NF1: variants seen among roughly 807,000 people sequenced by gnomAD.
The protein encoded by NF1 is neurofibromin 1.
NF1 carries 122 observed loss-of-function variants against 325.7 expected under a neutral mutation model. That is an observed-to-expected ratio of 0.37 (90% CI 0.32 to 0.44). The LOEUF (loss-of-function observed/expected upper bound fraction) is 0.44, where lower values mean the gene tolerates loss of function less well. NF1 is among the 20% of genes least tolerant of loss of function. The pLI is 1.00. For synonymous variants in NF1, 1,091 were observed against 1,186.0 expected (o/e 0.92, Z 1.65); for missense variants, 2,140 against 3,415.4 (o/e 0.63, Z 9.31).
chr17:31,334,063 G>T (rs1385359885), intron 39 of NF1, among the ~76,000 whole-genome samples: 2 of 152,174 alleles, frequency 1.3e-5, no homozygotes, highest in Non-Finnish European at 2.9e-5. Context: ...GAGGCGGGCA[G>T]ATCACGAGGT....
At chr17:31,198,497 G>A (rs1283661865) in intron 8 of NF1, among the ~76,000 whole-genome samples, 1 of 152,104 alleles carries the variant, frequency 6.6e-6, no homozygotes, top group Non-Finnish European at 1.5e-5. Context: ...CTGTGTGTTT[G>A]TAGAAATTTG....
rs2151601774 is a variant in NF1, at chr17:31,374,186, T to A, written c.*31T>A. 2 of 1,613,760 alleles carry A rather than the reference T, an allele frequency of 1.2e-6. No individual in the cohort carries two copies. The highest frequency in any genetic ancestry group is 8.5e-7 in the Non-Finnish European group (1 of 1,179,796). ...GCTTGCTTTCTTTTTTAAAATCAAC[T>A]TAACATGGGCTCTTCACTAGTGACC... On this transcript the variant is annotated 3_prime_UTR_variant, in exon 58 of 58. Transcript: ENST00000358273.
chr17:31,236,634 A>G (rs1227587040), intron 29 of NF1, among the ~76,000 whole-genome samples: 1 of 148,242 alleles, frequency 6.7e-6, no homozygotes, highest in Non-Finnish European at 1.5e-5. Flanking sequence ...TATTTTTAAT[A>G]GAGATGGTGT....
chr17:31,297,897 A>G (rs1287489156), intron 36 of NF1, among the ~76,000 whole-genome samples: 2 of 152,186 alleles, frequency 1.3e-5, no homozygotes, highest in African/African-American at 4.8e-5. Flanking sequence ...CCAAGGCTAC[A>G]CACAAGCCAG....
chr17:31,349,039 C>T (rs987345033), intron 48 of NF1, 81 bp from the exon 49 acceptor site: 4 of 1,512,068 alleles, frequency 2.6e-6, no homozygotes, highest in Admixed American at 4.0e-5. Flanking sequence ...AGTTGTTAGT[C>T]AGGGAAGAAG....
intron 28 of NF1, 26 bp from the exon 29 acceptor site, chr17:31,235,892 A>T (rs768520258): frequency 6.2e-7 from 1 of 1,609,422 alleles, no homozygotes; most frequent in Non-Finnish European, 8.5e-7. Context: ...CAGGTATAAT[A>T]AACTCCTATT....
chr17:31,124,080 C>T (rs1019454885), intron 1 of NF1, among the ~76,000 whole-genome samples: 23 of 152,080 alleles, frequency 1.5e-4, no homozygotes, highest in Admixed American at 5.9e-4. Context: ...TTTCTGTTAA[C>T]TACTATTCTG....
rs371429803 is a variant in NF1, at chr17:31,335,290, A to ATATATATATATATATG, written c.6006+265_6006+266insTATATATATGTATATA. 2.9e-3 allele frequency among the ~76,000 whole-genome samples: 211 copies of ATATATATATATATATG among 71,526 alleles called. 20 individuals are homozygous for ATATATATATATATATG. The highest frequency in any genetic ancestry group is 0.024 in the Middle Eastern group (3 of 126). 46.9% of individuals were successfully genotyped at this position (71,526 alleles called of 152,430 possible). A position where few individuals can be genotyped will look rare whatever the true frequency, so the allele number is the denominator to read the frequency against. On this transcript the variant is annotated intron_variant, in intron 40 of 57. Coordinates refer to ENST00000358273, the MANE Select transcript of NF1 (RefSeq NM_001042492.3). ...AAGGCATAATTATATATATATATATATATATAATTATGCCTTGAAGGAGAC... is the reference window on the plus strand; with the variant it reads ...AAGGCATAATTATATATATATATATATATATATATATATATGTATATAATTATGCCTTGAAGGAGAC...
In NF1 at chr17:31,227,147, G is replaced by A. The variant is rs370616123; in HGVS notation, c.2252-71G>A. 36 of 1,492,340 alleles carry A rather than the reference G, an allele frequency of 2.4e-5. No individual in the cohort carries two copies. The African/African-American group carries it at 3.9e-4, about 16-fold the overall frequency. The allele number at this position is 1,492,340 out of a possible 1,614,324, so 92.4% of individuals were successfully genotyped here. ...GCTCTTCCTACTCCTTTTGGGTGGA[G>A]CTTATCAGGTTCTCCATTGGCAGGC... On this transcript the variant is annotated intron_variant, in intron 18 of 57. Coordinates refer to ENST00000358273, the MANE Select transcript of NF1 (RefSeq NM_001042492.3).
At chr17:31,183,015 A>G in intron 8 of NF1, 1 of 541,246 alleles carries the variant, frequency 1.8e-6, no homozygotes, top group Non-Finnish European at 3.2e-6. Flanking sequence ...ATAGTGTGTT[A>G]TTTGCATGTA....
intron 57 of NF1, among the ~76,000 whole-genome samples, chr17:31,363,675 A>G (rs1356010955): frequency 6.6e-6 from 1 of 150,646 alleles, no homozygotes; most frequent in Admixed American, 6.6e-5. Flanking sequence ...TGACCTCGTG[A>G]TCCACCCACT....
At chr17:31,140,123 A>G (rs761010641) in intron 1 of NF1, among the ~76,000 whole-genome samples, 1 of 152,242 alleles carries the variant, frequency 6.6e-6, no homozygotes, top group South Asian at 2.1e-4. Context: ...CCCTGCTCCC[A>G]TGGAATTTAC....
intron 1 of NF1, among the ~76,000 whole-genome samples, chr17:31,095,707 C>G (rs945277551): frequency 2.0e-5 from 3 of 152,162 alleles, no homozygotes; most frequent in African/African-American, 7.2e-5. Flanking sequence ...GGCGCGCCAT[C>G]TGGATTTAAT....
chr17:31,253,042 A>C, intron 31 of NF1, 42 bp downstream of exon 31: 2 of 1,509,832 alleles, frequency 1.3e-6, no homozygotes, highest in South Asian at 2.3e-5. Context: ...CTTTCAAAGC[A>C]AAACAAAAAT....
At chr17:31,318,370 A>G (rs1328070911) in intron 36 of NF1, 1 of 1,613,848 alleles carries the variant, frequency 6.2e-7, no homozygotes, top group Non-Finnish European at 8.5e-7. Context: ...TGTAGCTGTG[A>G]GCACTCCAGT....
intron 57 of NF1, among the ~76,000 whole-genome samples, chr17:31,369,122 A>G (rs1013091886): frequency 6.6e-6 from 1 of 152,204 alleles, no homozygotes; most frequent in African/African-American, 2.4e-5. Flanking sequence ...ATAACTGATT[A>G]TTTCAGTTTG....
chr17:31,114,908 A>C (rs529458909), intron 1 of NF1, among the ~76,000 whole-genome samples: 1 of 152,194 alleles, frequency 6.6e-6, no homozygotes, highest in Non-Finnish European at 1.5e-5. Flanking sequence ...ATGTGTGTGC[A>C]TGCCTGTGGC....
chr17:31,342,800 ATCT>A (rs1260189314), intron 47 of NF1, among the ~76,000 whole-genome samples: 15 of 152,190 alleles, frequency 9.9e-5, no homozygotes, highest in African/African-American at 2.9e-4. Context: ...ATCTTCCACC[ATCT>A]TCTTATTTAT....
chr17:31,288,634 T>G (rs751996247), intron 36 of NF1, among the ~76,000 whole-genome samples: 2 of 151,600 alleles, frequency 1.3e-5, no homozygotes, highest in Non-Finnish European at 2.9e-5. Flanking sequence ...CCTCCCGGGT[T>G]CAAGCGATCC....
Sources: allele counts gnomAD v4.1 joint callset (sites outside exome capture counted in the v4.1 genomes callset), GRCh38; gene constraint gnomAD v4.1.1; transcripts MANE v1.5; gene names NCBI Gene and HGNC (gene_info 2026-07-23, HGNC 2026-07-21).